PIGL: variants seen among roughly 807,000 people sequenced by gnomAD.
The protein encoded by PIGL is N-acetylglucosaminyl-phosphatidylinositol de-N-acetylase.
Under a neutral mutation model 31.1 loss-of-function variants are expected in PIGL, and 22 were observed. The observed-to-expected ratio is 0.71, with a 90% confidence interval of 0.51 to 1.01. PIGL has a LOEUF of 1.01. PIGL is among the 50% of genes least tolerant of loss of function. The probability of loss-of-function intolerance (pLI) is 0.00; values close to 1 mark genes in which losing one functional copy is unlikely to be tolerated. For synonymous variants in PIGL, 131 were observed against 117.4 expected, an observed-to-expected ratio of 1.12 and a Z score of -0.75; for missense variants, 302 against 315.9, an observed-to-expected ratio of 0.96 and a Z score of 0.33.
At chr17:16,217,744 C>T (rs2092598402) in intron 1 of PIGL, 1 of 418,190 alleles carries the variant, frequency 2.4e-6, no homozygotes, top group Admixed American at 4.0e-5. Flanking sequence ...GGAACTCCAC[C>T]TGTACTTGTT....
chr17:16,230,455 T>C (rs2092673762), intron 1 of PIGL, among the ~76,000 whole-genome samples: 1 of 152,200 alleles, frequency 6.6e-6, no homozygotes, highest in Non-Finnish European at 1.5e-5. Context: ...GAATAGATCT[T>C]GACATAGCAT....
chr17:16,266,388 C>CAAAA (rs60708474), intron 2 of PIGL, among the ~76,000 whole-genome samples: 18 of 71,946 alleles, frequency 2.5e-4, no homozygotes, highest in African/African-American at 3.0e-4. Flanking sequence ...GACTCCATCT[C>CAAAA]AAAAAAAAAA....
intron 2 of PIGL, among the ~76,000 whole-genome samples, chr17:16,290,241 C>T (rs753817584): frequency 4.6e-5 from 7 of 151,860 alleles, no homozygotes; most frequent in Non-Finnish European, 1.0e-4. Flanking sequence ...CGCCACCACA[C>T]CCGGCTAATT....
intron 3 of PIGL, among the ~76,000 whole-genome samples, chr17:16,303,951 T>A (rs905497896): frequency 6.6e-6 from 1 of 152,144 alleles, no homozygotes; most frequent in Non-Finnish European, 1.5e-5. Context: ...CCTGACCTCA[T>A]GATCCGCCCG....
intron 1 of PIGL, 169 bp downstream of exon 1, chr17:16,217,630 C>CACCGACTCT: frequency 3.7e-6 from 2 of 540,666 alleles, no homozygotes; most frequent in Non-Finnish European, 6.4e-6. Flanking sequence ...GGCCGGCTTA[C>CACCGACTCT]CTGGTGGGTT....
chr17:16,254,203 T>G lies in PIGL; in HGVS notation c.335+20133T>G, dbSNP rs539313101. ...ATCCCTAATTTGCCCCAGGTTTTCT[T>G]GGACACTTTTGTTACATTCCCATTG... On this transcript the variant is annotated intron_variant, in intron 2 of 6. Coordinates refer to ENST00000225609, the MANE Select transcript of PIGL (RefSeq NM_004278.4). 1.4e-4 allele frequency among the ~76,000 whole-genome samples: 22 copies of G among 152,314 alleles called. No individual in the cohort carries two copies. The East Asian group carries it at 4.2e-3, about 29-fold the overall frequency.
intron 2 of PIGL, among the ~76,000 whole-genome samples, chr17:16,299,456 AC>A (rs1473990327): frequency 2.0e-4 from 31 of 152,328 alleles, no homozygotes; most frequent in African/African-American, 6.7e-4. Flanking sequence ...AAAGAAAAAA[AC>A]AAAACAAAAC....
intron 2 of PIGL, among the ~76,000 whole-genome samples, chr17:16,269,493 CA>C (rs988722674): frequency 1.3e-5 from 2 of 151,530 alleles, no homozygotes; most frequent in East Asian, 3.9e-4. Flanking sequence ...ACTAAAAATA[CA>C]AAAAAAATTA....
chr17:16,219,406 A>T (rs1345900754), intron 1 of PIGL, among the ~76,000 whole-genome samples: 1 of 151,748 alleles, frequency 6.6e-6, no homozygotes, highest in Admixed American at 6.6e-5. Flanking sequence ...TCCCCCAAAA[A>T]CCTTTGTTAC....
rs570775885 is a variant in PIGL at position 16,258,277 on chromosome 17, T to C, written c.335+24207T>C. Among the ~76,000 whole-genome samples the C allele has an allele frequency of 2.8e-4, 40 of 143,304 alleles. 1 individual carries two copies. The East Asian group carries it at 8.8e-3, about 32-fold the overall frequency. The allele number at this position is 143,304 out of a possible 152,430, so 94.0% of individuals were successfully genotyped here. A position where few individuals can be genotyped will look rare whatever the true frequency, so the allele number is the denominator to read the frequency against. On this transcript the variant is annotated intron_variant, in intron 2 of 6. Transcript: ENST00000225609. The stretch of plus-strand genomic sequence containing the variant: ...TCACTGCAACCTCTGCCTCCCAGGT[T>C]CAAGCAATTCTTCTGCCTCTGCCTC...
intron 2 of PIGL, among the ~76,000 whole-genome samples, chr17:16,261,656 G>T (rs925595576): frequency 1.5e-4 from 23 of 152,092 alleles, no homozygotes; most frequent in Non-Finnish European, 3.1e-4. Context: ...TATTATTATT[G>T]CTTGAAGCCA....
chr17:16,263,447 A>G (rs142764713), intron 2 of PIGL, among the ~76,000 whole-genome samples: 105 of 151,500 alleles, frequency 6.9e-4, no homozygotes, highest in African/African-American at 2.3e-3. Flanking sequence ...CCCAAATTAC[A>G]GTTGTGAGCC....
intron 2 of PIGL, among the ~76,000 whole-genome samples, chr17:16,269,579 A>C (rs111853623): frequency 0.049 from 7,332 of 150,932 alleles, 602 homozygotes; most frequent in African/African-American, 0.17. Flanking sequence ...TAAATCCAGG[A>C]GGCTAGGGTT....
chr17:16,311,965 C>CAACA (rs1480504142), intron 3 of PIGL, among the ~76,000 whole-genome samples: 5 of 152,188 alleles, frequency 3.3e-5, no homozygotes. Context: ...TCTCAATGAG[C>CAACA]TGTTGGGTAC....
intron 2 of PIGL, among the ~76,000 whole-genome samples, chr17:16,260,868 C>T (rs888126231): frequency 6.6e-6 from 1 of 152,044 alleles, no homozygotes; most frequent in Non-Finnish European, 1.5e-5. Flanking sequence ...ACCTGTAATC[C>T]CAGCACTTTG....
chr17:16,225,157 A>G (rs2092646367), intron 1 of PIGL, among the ~76,000 whole-genome samples: 1 of 152,162 alleles, frequency 6.6e-6, no homozygotes, highest in Non-Finnish European at 1.5e-5. Context: ...TGTGTCCATT[A>G]ATCTGTTCTT....
intron 2 of PIGL, among the ~76,000 whole-genome samples, chr17:16,238,905 G>A (rs1388002839): frequency 3.1e-5 from 3 of 97,768 alleles, no homozygotes; most frequent in Admixed American, 1.2e-4. Context: ...GTGAGACCCC[G>A]TCTCAAAAAA....
chr17:16,252,944 G>A (rs1029931822), intron 2 of PIGL, among the ~76,000 whole-genome samples: 2 of 152,182 alleles, frequency 1.3e-5, no homozygotes, highest in African/African-American at 4.8e-5. Flanking sequence ...AAGGCTGGGC[G>A]TGGTGGCTTA....
chr17:16,318,472 T>C (rs1292869480), intron 6 of PIGL, among the ~76,000 whole-genome samples: 1 of 151,878 alleles, frequency 6.6e-6, no homozygotes, highest in African/African-American at 2.4e-5. Context: ...GGTTTCATCA[T>C]GTTGGCCAGG....
Sources: allele counts gnomAD v4.1 joint callset (sites outside exome capture counted in the v4.1 genomes callset), GRCh38; gene constraint gnomAD v4.1.1; transcripts MANE v1.5; gene names NCBI Gene and HGNC (gene_info 2026-07-23, HGNC 2026-07-21).